GALNTL5: variants seen among roughly 807,000 people sequenced by gnomAD.
The protein encoded by GALNTL5 is polypeptide N-acetylgalactosaminyltransferase like 5.
Under a neutral mutation model 51.0 loss-of-function variants are expected in GALNTL5, and 44 were observed. The ratio of observed to expected loss-of-function variants is 0.86; its 90% confidence interval spans 0.68 to 1.11. The LOEUF (loss-of-function observed/expected upper bound fraction) is 1.11. Among genes scored for constraint, GALNTL5 ranks in the 50% least tolerant of loss-of-function variants. The probability of loss-of-function intolerance (pLI) is 0.00; values close to 1 mark genes in which losing one functional copy is unlikely to be tolerated. For synonymous variants in GALNTL5, 192 were observed against 182.8 expected, an observed-to-expected ratio of 1.05 and a Z score of -0.41; for missense variants, 528 against 531.8, an observed-to-expected ratio of 0.99 and a Z score of 0.07.
chr7:152,015,540 A>G (rs1209124193), intron 8 of GALNTL5, among the ~76,000 whole-genome samples: 1 of 151,882 alleles, frequency 6.6e-6, no homozygotes, highest in Non-Finnish European at 1.5e-5. Context: ...TTGTATTTTT[A>G]GTAGAGACAG....
chr7:151,981,157 G>A (rs1342054073), intron 3 of GALNTL5, among the ~76,000 whole-genome samples: 1 of 152,108 alleles, frequency 6.6e-6, no homozygotes, highest in African/African-American at 2.4e-5. Flanking sequence ...ATTTGATCTT[G>A]GAAAAGGTAA....
In GALNTL5 at chr7:151,991,522, A is replaced by G. The variant is rs542118885; in HGVS notation, c.658+4241A>G. Among the ~76,000 whole-genome samples, 4 of 152,338 alleles carry G rather than the reference A, an allele frequency of 2.6e-5. No individual in the cohort carries two copies. In the South Asian group the frequency reaches 8.3e-4, roughly 32 times the overall value. On this transcript the variant is annotated intron_variant, in intron 5 of 8. Coordinates refer to ENST00000392800, the MANE Select transcript of GALNTL5 (RefSeq NM_145292.4). Reference sequence around the variant, plus strand: ...TGTAATGTAATTTTTTTCAGAATGAATAGCCAGTTTTCCCACACCGTTCAT... The same window carrying G: ...TGTAATGTAATTTTTTTCAGAATGAGTAGCCAGTTTTCCCACACCGTTCAT...
intron 3 of GALNTL5, among the ~76,000 whole-genome samples, chr7:151,978,835 G>A (rs951748917): frequency 4.6e-5 from 7 of 152,006 alleles, no homozygotes; most frequent in African/African-American, 1.7e-4. Context: ...CTTTTTGTAA[G>A]AACATGAGTC....
At chr7:152,006,402 C>T (rs750614185) in intron 6 of GALNTL5, among the ~76,000 whole-genome samples, 10 of 152,076 alleles carry the variant, frequency 6.6e-5, no homozygotes, top group African/African-American at 9.7e-5. Flanking sequence ...CAAAATAAGG[C>T]GGTTTTAATT....
At chr7:151,963,801 G>A (rs937130863) in intron 1 of GALNTL5, among the ~76,000 whole-genome samples, 1 of 152,150 alleles carries the variant, frequency 6.6e-6, no homozygotes, top group African/African-American at 2.4e-5. Flanking sequence ...CTGGTTGTAT[G>A]ACTGTAGCAC....
At chr7:152,003,038 T>G in intron 6 of GALNTL5, 75 bp downstream of exon 6, 1 of 1,318,214 alleles carries the variant, frequency 7.6e-7, no homozygotes, top group Non-Finnish European at 1.1e-6. Context: ...CTCCAGAGAT[T>G]ATTCTTTCAA....
intron 3 of GALNTL5, among the ~76,000 whole-genome samples, chr7:151,978,908 T>C (rs1005049199): frequency 6.6e-6 from 1 of 152,146 alleles, no homozygotes; most frequent in African/African-American, 2.4e-5. Flanking sequence ...ACAGCTCTTT[T>C]TCCAAATAGG....
At chr7:152,000,830 G>A (rs761616062) in intron 5 of GALNTL5, among the ~76,000 whole-genome samples, 2 of 150,900 alleles carry the variant, frequency 1.3e-5, no homozygotes, top group African/African-American at 2.4e-5. Flanking sequence ...GTATATGTAT[G>A]ATTTGGAAAT....
chr7:151,985,108 C>T (rs1193102628), intron 4 of GALNTL5, among the ~76,000 whole-genome samples: 1 of 152,170 alleles, frequency 6.6e-6, no homozygotes, highest in Non-Finnish European at 1.5e-5. Flanking sequence ...TTTGCTATGT[C>T]CTCATGTTGT....
intron 3 of GALNTL5, among the ~76,000 whole-genome samples, chr7:151,974,556 C>A (rs2081185162): frequency 6.6e-6 from 1 of 152,180 alleles, no homozygotes; most frequent in Admixed American, 6.6e-5. Context: ...TGATGTGGTA[C>A]ACTCAAGAGA....
At chr7:151,998,604 T>C (rs2081529704) in intron 5 of GALNTL5, among the ~76,000 whole-genome samples, 1 of 151,902 alleles carries the variant, frequency 6.6e-6, no homozygotes, top group African/African-American at 2.4e-5. Context: ...AAACCCCATC[T>C]CCACTAAAAA....
chr7:151,990,324 A>G (rs968388013), intron 5 of GALNTL5, among the ~76,000 whole-genome samples: 20 of 151,932 alleles, frequency 1.3e-4, no homozygotes, highest in African/African-American at 4.6e-4. Flanking sequence ...GATTACAGGC[A>G]TGAGCCATTG....
intron 8 of GALNTL5, among the ~76,000 whole-genome samples, chr7:152,017,520 CT>C (rs2081835169): frequency 6.6e-6 from 1 of 152,088 alleles, no homozygotes; most frequent in Non-Finnish European, 1.5e-5. Context: ...GTATTATTTC[CT>C]TCCTGTAAAG....
At chr7:152,012,214 G>A (rs886457936) in intron 7 of GALNTL5, among the ~76,000 whole-genome samples, 6 of 152,178 alleles carry the variant, frequency 3.9e-5, no homozygotes, top group African/African-American at 1.2e-4. Context: ...AGGGAAACAC[G>A]CTGTTCTGCA....
At chr7:151,982,542 G>A (rs906639952) in intron 3 of GALNTL5, among the ~76,000 whole-genome samples, 4 of 151,918 alleles carry the variant, frequency 2.6e-5, no homozygotes, top group Non-Finnish European at 4.4e-5. Context: ...TAAAGTTGGA[G>A]TTTTCTCTGA....
At position 151,956,589 on chromosome 7, in the gene GALNTL5, G is replaced by A. The variant is rs1389757355; in HGVS notation, c.-60G>A. ...TGGAAAATTCATCAGTTACAAAGCA[G>A]CCAATGCAATTATCTCAAGGGTAGG... On this transcript the variant is annotated 5_prime_UTR_variant, in exon 1 of 9. Coordinates refer to ENST00000392800, the MANE Select transcript of GALNTL5 (RefSeq NM_145292.4). 2.0e-5 allele frequency: 3 copies of A among 152,272 alleles called. No homozygotes were observed. The highest frequency in any genetic ancestry group is 4.1e-4 in the South Asian group (2 of 4,828). 9.4% of individuals were successfully genotyped at this position (152,272 alleles called of 1,614,324 possible). A position where few individuals can be genotyped will look rare whatever the true frequency, so the allele number is the denominator to read the frequency against.
At chr7:151,969,888 G>T (rs1335714699) in intron 2 of GALNTL5, among the ~76,000 whole-genome samples, 1 of 152,128 alleles carries the variant, frequency 6.6e-6, no homozygotes, top group Admixed American at 6.5e-5. Context: ...CTCACTGCAA[G>T]CTCCGCCTCC....
intron 4 of GALNTL5, among the ~76,000 whole-genome samples, chr7:151,983,895 G>A (rs768063024): frequency 2.1e-4 from 32 of 152,164 alleles, no homozygotes; most frequent in Non-Finnish European, 4.4e-4. Context: ...TTGCAGGGGG[G>A]AGGTGGGCAA....
intron 4 of GALNTL5, among the ~76,000 whole-genome samples, chr7:151,986,634 C>G (rs368235594): frequency 1.3e-4 from 19 of 151,786 alleles, no homozygotes; most frequent in African/African-American, 3.6e-4. Context: ...GGCCCTGTCT[C>G]AACAAAAACG....
Sources: allele counts gnomAD v4.1 joint callset (sites outside exome capture counted in the v4.1 genomes callset), GRCh38; gene constraint gnomAD v4.1.1; transcripts MANE v1.5; gene names NCBI Gene and HGNC (gene_info 2026-07-23, HGNC 2026-07-21).